Variants in LPIN2 observed in about 807,000 individuals in gnomAD.
The protein encoded by LPIN2 is lipin 2, also known as phosphatidate phosphatase LPIN2.
LPIN2 carries 55 observed loss-of-function variants against 111.4 expected under a neutral mutation model. The ratio of observed to expected loss-of-function variants is 0.49; its 90% CI spans 0.40 to 0.62. The LOEUF (loss-of-function observed/expected upper bound fraction) is 0.62. LPIN2 is among the 20% of genes least tolerant of loss of function. The probability of loss-of-function intolerance (pLI) is 0.00; values close to 1 mark genes in which losing one functional copy is unlikely to be tolerated. For missense variants in LPIN2, 992 were observed against 1,112.1 expected, an observed-to-expected ratio of 0.89 and a Z score of 1.54; for synonymous variants, 425 against 414.0, an observed-to-expected ratio of 1.03 and a Z score of -0.32.
chr18:2,946,789 C>T (rs1568552986), intron 4 of LPIN2: 2 of 472,290 alleles, frequency 4.2e-6, no homozygotes, highest in Non-Finnish European at 7.8e-6. Context: ...CCAAAGACCA[C>T]TAACTCTGTT....
At chr18:2,926,851 AG>A in intron 12 of LPIN2, 46 bp from the exon 13 acceptor site, 1 of 1,476,178 alleles carries the variant, frequency 6.8e-7, no homozygotes, top group Non-Finnish European at 9.4e-7. Flanking sequence ...TTTTCCCTAC[AG>A]ATAAGCCAAG....
Position 2,924,464 on chromosome 18 carries a change from C to A in LPIN2, c.2021G>T (p.Gly674Val). The A allele has an allele frequency of 6.2e-7, 1 of 1,614,092 alleles. No homozygotes were observed. The highest frequency in any genetic ancestry group is 8.5e-7 in the Non-Finnish European group (1 of 1,179,992). ...ATTCCAGTTCCACAGGTAAATGGTC[C>A]CTGCACAGCGACAGGTGCCTTGATA... is the stretch of plus-strand genomic sequence containing the variant. ...TQYQGTCRCA[G>V]TIYLWNWNDK... is the part of the protein sequence containing the mutation. Residue 674 changes from glycine to valine, a missense_variant, in exon 15 of 20, where the codon GGG (glycine) becomes GTG (valine). By Grantham distance (109) the Gly-to-Val change is moderately radical. Coordinates refer to ENST00000677752, the MANE Select transcript of LPIN2 (RefSeq NM_001375808.2).
intron 5 of LPIN2, among the ~76,000 whole-genome samples, chr18:2,940,003 C>T (rs2077346946): frequency 6.6e-6 from 1 of 152,202 alleles, no homozygotes; most frequent in South Asian, 2.1e-4. Flanking sequence ...TTACAGCCAA[C>T]AGTTGACACT....
chr18:2,968,027 C>T (rs1374799283), intron 1 of LPIN2, among the ~76,000 whole-genome samples: 1 of 152,190 alleles, frequency 6.6e-6, no homozygotes, highest in Non-Finnish European at 1.5e-5. Context: ...GCCTCTAACA[C>T]TCACCGCTCC....
rs536771642 is a variant in LPIN2 at position 2,955,565 on chromosome 18, C to T, written c.193-966G>A. Reference sequence around the variant, plus strand: ...CTGGAGTTCACATTTCAACATGAGACTTGGAGGGGACATCCAAACCTTATC... The same window carrying T: ...CTGGAGTTCACATTTCAACATGAGATTTGGAGGGGACATCCAAACCTTATC... On this transcript the variant is annotated intron_variant, in intron 2 of 19. Transcript: ENST00000677752. Among the ~76,000 whole-genome samples the T allele has an allele frequency of 4.6e-5, 7 of 152,316 alleles. No individual in the cohort carries two copies. In the East Asian group the frequency reaches 1.2e-3, roughly 25 times the overall value.
At position 2,920,706 on chromosome 18, in the gene LPIN2, G is replaced by C; in HGVS notation, c.2546+72C>G. On this transcript the variant is annotated intron_variant, in intron 19 of 19. Coordinates refer to ENST00000677752, the MANE Select transcript of LPIN2 (RefSeq NM_001375808.2). ...TGATCTCAAGGATCAGGGGGAAAAG[G>C]ACAGGGTCTGTCTGTCCCCAACTGT... The C allele has an allele frequency of 1.2e-5, 14 of 1,146,786 alleles. No homozygotes were observed. In the South Asian group the frequency reaches 1.7e-4, roughly 14 times the overall value. 71.0% of individuals were successfully genotyped at this position (1,146,786 alleles called of 1,614,324 possible).
chr18:2,991,528 T>G (rs1303870318), intron 1 of LPIN2, among the ~76,000 whole-genome samples: 2 of 151,842 alleles, frequency 1.3e-5, no homozygotes, highest in South Asian at 4.2e-4. Context: ...GTAGGCAACA[T>G]AGTGAGACCC....
chr18:2,976,536 G>T (rs150308208), intron 1 of LPIN2, among the ~76,000 whole-genome samples: 1 of 152,212 alleles, frequency 6.6e-6, no homozygotes, highest in Non-Finnish European at 1.5e-5. Flanking sequence ...TAGTGGAATC[G>T]TAAGCCTGTC....
At position 2,925,462 on chromosome 18, in the gene LPIN2, A is replaced by G. The variant is rs1297830837; in HGVS notation, c.1794-94T>C. On this transcript the variant is annotated intron_variant, in intron 13 of 19. Transcript: ENST00000677752. The surrounding 1 kb of genome is among the most constrained non-coding windows in gnomAD (Gnocchi z 4.1). ...GATCAAGAAAATAAAGATATCCTAAATCTTTTCTAGGAATGGGTAGAGTTA... is the reference window on the plus strand; with the variant it reads ...GATCAAGAAAATAAAGATATCCTAAGTCTTTTCTAGGAATGGGTAGAGTTA... 4 of 1,541,984 alleles carry G rather than the reference A, an allele frequency of 2.6e-6. No individual in the cohort carries two copies. The East Asian group carries it at 9.0e-5, about 35-fold the overall frequency.
At chr18:2,933,213 G>A (rs576722882) in intron 8 of LPIN2, among the ~76,000 whole-genome samples, 2 of 152,310 alleles carry the variant, frequency 1.3e-5, no homozygotes, top group East Asian at 3.9e-4. Flanking sequence ...GAGGTAAGAA[G>A]CTTACTTAGT....
At chr18:2,958,199 T>C (rs1349456053) in intron 2 of LPIN2, among the ~76,000 whole-genome samples, 1 of 118,294 alleles carries the variant, frequency 8.5e-6, no homozygotes, top group African/African-American at 3.0e-5. Flanking sequence ...AAAACTTTTA[T>C]AAATAATCAA....
intron 1 of LPIN2, among the ~76,000 whole-genome samples, chr18:3,005,167 T>C (rs898308234): frequency 6.6e-6 from 1 of 151,590 alleles, no homozygotes; most frequent in Non-Finnish European, 1.5e-5. Flanking sequence ...CTGGCCAACA[T>C]GGTGAAACCC....
intron 4 of LPIN2, 101 bp from the exon 5 acceptor site, chr18:2,940,813 G>A (rs1380596410): frequency 2.7e-6 from 2 of 732,658 alleles, no homozygotes; most frequent in Admixed American, 2.0e-5. Flanking sequence ...AAAATGAAGA[G>A]GGGCAAATGA....
intron 4 of LPIN2, among the ~76,000 whole-genome samples, chr18:2,947,732 TGAG>T (rs1284540066): frequency 6.6e-6 from 1 of 152,246 alleles, no homozygotes; most frequent in African/African-American, 2.4e-5. Context: ...TGGTAGGAGC[TGAG>T]GAGAATATGC....
chr18:2,971,841 A>C (rs1052166250), intron 1 of LPIN2, among the ~76,000 whole-genome samples: 6 of 151,716 alleles, frequency 4.0e-5, no homozygotes, highest in African/African-American at 1.2e-4. Flanking sequence ...ACCTGAGGTC[A>C]GGGGTTTGAG....
At chr18:2,934,521 G>A (rs967957862) in intron 7 of LPIN2, 71 bp from the exon 8 acceptor site, 21 of 953,056 alleles carry the variant, frequency 2.2e-5, no homozygotes, top group Admixed American at 1.1e-4. Flanking sequence ...ACACACGCAC[G>A]TTTGCAAACA....
chr18:3,006,836 C>CA (rs1164488272), intron 1 of LPIN2, among the ~76,000 whole-genome samples: 2,080 of 128,312 alleles, frequency 0.016, 60 homozygotes, highest in East Asian at 0.12. Context: ...GACTCTGTCT[C>CA]AAAAAAAAAA....
At chr18:2,934,160 AT>A (rs1364444966) in intron 8 of LPIN2, among the ~76,000 whole-genome samples, 190 bp downstream of exon 8, 3 of 152,212 alleles carry the variant, frequency 2.0e-5, no homozygotes, top group Admixed American at 1.3e-4. Flanking sequence ...TTCGTAAGTA[AT>A]TATTAATTTC....
chr18:3,005,771 A>G (rs774609627), intron 1 of LPIN2, among the ~76,000 whole-genome samples: 2 of 151,674 alleles, frequency 1.3e-5, no homozygotes, highest in Non-Finnish European at 2.9e-5. Flanking sequence ...CAACTCAGCA[A>G]TCCCAGCACT....
Sources: allele counts gnomAD v4.1 joint callset (sites outside exome capture counted in the v4.1 genomes callset), GRCh38; gene constraint gnomAD v4.1.1; non-coding constraint Gnocchi (gnomAD v3.1); transcripts MANE v1.5; gene names NCBI Gene and HGNC (gene_info 2026-07-23, HGNC 2026-07-21).